Variants in PIK3AP1 observed in about 807,000 individuals in gnomAD.
The protein encoded by PIK3AP1 is phosphoinositide 3-kinase adapter protein 1.
In PIK3AP1, 21 loss-of-function variants were observed where a neutral mutation model predicts 88.1. The ratio of observed to expected loss-of-function variants is 0.24; its 90% CI spans 0.17 to 0.34. The LOEUF is 0.34. Among genes scored for constraint, PIK3AP1 ranks in the 10% least tolerant of loss-of-function variants. PIK3AP1 has a pLI of 1.00. For missense variants in PIK3AP1, 828 were observed against 1,035.7 expected (o/e 0.80, Z 2.75); for synonymous variants, 398 against 400.0 (o/e 1.00, Z 0.06).
chr10:96,709,883 G>A lies in PIK3AP1; in HGVS notation c.114C>T (p.Arg38=). The A allele has an allele frequency of 6.2e-7, 1 of 1,613,732 alleles. No individual in the cohort carries two copies. The highest frequency in any genetic ancestry group is 8.5e-7 in the Non-Finnish European group (1 of 1,179,962). ...GCCTGTGAGTCAGTATCTTCTGGCT[G>A]CGGACCTGCCGACTGGACAGGAACA... ...QTLFLSSRQV[R]SQKILTHRLG... The change falls in exon 2 of 17, where the codon CGC becomes CGT. Residue 38 remains arginine (R), a synonymous_variant. Transcript: ENST00000339364.
chr10:96,658,957 C>T (rs553879406), intron 2 of PIK3AP1, among the ~76,000 whole-genome samples: 35 of 152,078 alleles, frequency 2.3e-4, no homozygotes, highest in Non-Finnish European at 3.5e-4. Context: ...AGTAGGCTGC[C>T]GTTTTCTCTG....
intron 2 of PIK3AP1, among the ~76,000 whole-genome samples, chr10:96,678,847 G>T (rs1843960703): frequency 6.6e-6 from 1 of 152,110 alleles, no homozygotes; most frequent in Non-Finnish European, 1.5e-5. Flanking sequence ...CTTTGTTCAG[G>T]TTCAACAACC....
chr10:96,620,253 G>A (rs1843057530), intron 12 of PIK3AP1, 99 bp downstream of exon 12: 1 of 1,231,638 alleles, frequency 8.1e-7, no homozygotes, highest in Non-Finnish European at 1.2e-6. Flanking sequence ...AGCCACAGGT[G>A]TCCAGGTACA....
At chr10:96,644,841 AAAT>A (rs60279708) in intron 8 of PIK3AP1, among the ~76,000 whole-genome samples, 2,766 of 152,290 alleles carry the variant, frequency 0.018, 78 homozygotes, top group African/African-American at 0.061. Flanking sequence ...ATTTCTATGA[AAAT>A]GGAAAGGAAA....
chr10:96,699,881 G>A (rs1276487599), intron 2 of PIK3AP1, among the ~76,000 whole-genome samples: 2 of 152,160 alleles, frequency 1.3e-5, no homozygotes, highest in African/African-American at 4.8e-5. Context: ...AAATAATGTC[G>A]ATAAAAGGGT....
intron 14 of PIK3AP1, 145 bp from the exon 15 acceptor site, chr10:96,604,194 AC>A: frequency 3.0e-6 from 2 of 677,348 alleles, no homozygotes; most frequent in South Asian, 4.0e-5. Flanking sequence ...GCCATCTTAT[AC>A]TTTTTGTTTT....
intron 8 of PIK3AP1, among the ~76,000 whole-genome samples, chr10:96,628,929 T>TATA (rs1196583596): frequency 3.0e-5 from 4 of 132,424 alleles, no homozygotes; most frequent in African/African-American, 8.4e-5. Context: ...TATATATATA[T>TATA]GGCAAGGTCT....
At position 96,620,561 on chromosome 10, in the gene PIK3AP1, G is replaced by C. The variant is rs1240783417; in HGVS notation, c.1736-4C>G. On this transcript the variant is annotated splice_region_variant and splice_polypyrimidine_tract_variant and intron_variant, in intron 11 of 16. Coordinates refer to ENST00000339364, the MANE Select transcript of PIK3AP1 (RefSeq NM_152309.3). ...CTCCATGGTCTGACGGGCGGCCCTGGAAAGGATGGCAAAACTCAGCTTGAC... is the reference window on the plus strand; with the variant it reads ...CTCCATGGTCTGACGGGCGGCCCTGCAAAGGATGGCAAAACTCAGCTTGAC... 6.2e-7 allele frequency: 1 copy of C among 1,611,552 alleles called. No individual in the cohort carries two copies. The highest frequency in any genetic ancestry group is 8.5e-7 in the Non-Finnish European group (1 of 1,179,310).
intron 2 of PIK3AP1, among the ~76,000 whole-genome samples, chr10:96,696,005 G>T (rs1844214090): frequency 6.6e-6 from 1 of 152,164 alleles, no homozygotes; most frequent in East Asian, 1.9e-4. Flanking sequence ...TTTGCTCCAT[G>T]GAAATGGTTG....
intron 2 of PIK3AP1, among the ~76,000 whole-genome samples, chr10:96,676,986 G>A (rs957132187): frequency 6.6e-6 from 1 of 152,124 alleles, no homozygotes; most frequent in African/African-American, 2.4e-5. Context: ...CTGGGGTGGA[G>A]GGAAAGCCTC....
chr10:96,683,448 A>AC (rs1844028507), intron 2 of PIK3AP1, among the ~76,000 whole-genome samples: 1 of 152,232 alleles, frequency 6.6e-6, no homozygotes, highest in Admixed American at 6.5e-5. Context: ...AAAAGGTAAG[A>AC]AAAGACACTT....
chr10:96,708,185 C>T (rs1378551531), intron 2 of PIK3AP1, among the ~76,000 whole-genome samples: 1 of 152,134 alleles, frequency 6.6e-6, no homozygotes, highest in Non-Finnish European at 1.5e-5. Context: ...ATTTTCCAGG[C>T]TTCTTTGCTG....
intron 2 of PIK3AP1, among the ~76,000 whole-genome samples, chr10:96,690,099 G>A (rs986727092): frequency 6.6e-6 from 1 of 152,212 alleles, no homozygotes; most frequent in African/African-American, 2.4e-5. Flanking sequence ...TCCTTCACGT[G>A]TTTGAAGGTA....
intron 2 of PIK3AP1, among the ~76,000 whole-genome samples, chr10:96,663,835 T>G (rs1463731223): frequency 6.6e-6 from 1 of 152,146 alleles, no homozygotes; most frequent in Non-Finnish European, 1.5e-5. Flanking sequence ...TATCATTCAT[T>G]CTCACTAGTC....
chr10:96,661,146 G>A (rs563028632), intron 2 of PIK3AP1, among the ~76,000 whole-genome samples: 4 of 151,710 alleles, frequency 2.6e-5, no homozygotes, highest in South Asian at 2.1e-4. Flanking sequence ...CTGAGATTGC[G>A]CCACTGCACT....
intron 2 of PIK3AP1, among the ~76,000 whole-genome samples, chr10:96,678,779 G>A (rs181837658): frequency 1.3e-3 from 196 of 152,154 alleles, no homozygotes; most frequent in African/African-American, 4.4e-3. Flanking sequence ...TCATGATATT[G>A]TAGTCCTTTG....
intron 2 of PIK3AP1, among the ~76,000 whole-genome samples, chr10:96,677,626 C>A (rs867686805): frequency 1.2e-3 from 177 of 146,528 alleles, no homozygotes; most frequent in African/African-American, 3.8e-3. Flanking sequence ...CACACACACA[C>A]AAAAGGCCTT....
intron 2 of PIK3AP1, among the ~76,000 whole-genome samples, chr10:96,658,236 T>C (rs377230653): frequency 1.3e-5 from 2 of 152,110 alleles, no homozygotes; most frequent in South Asian, 2.1e-4. Context: ...AGAGAGTCCA[T>C]CATCTAAAAG....
At chr10:96,603,482 A>G (rs1332450986) in intron 15 of PIK3AP1, among the ~76,000 whole-genome samples, 2 of 152,138 alleles carry the variant, frequency 1.3e-5, no homozygotes, top group East Asian at 3.9e-4. Flanking sequence ...AAGCAGGAAG[A>G]AAAACGTGAA....
Sources: allele counts gnomAD v4.1 joint callset (sites outside exome capture counted in the v4.1 genomes callset), GRCh38; gene constraint gnomAD v4.1.1; transcripts MANE v1.5; gene names NCBI Gene and HGNC (gene_info 2026-07-23, HGNC 2026-07-21).